Variants in SAXO1 observed in about 807,000 individuals in gnomAD.
SAXO1 encodes 4930500O09Rik.
SAXO1 carries 21 observed loss-of-function variants against 17.5 expected under a neutral mutation model. That is an observed-to-expected ratio of 1.20 (90% CI 0.85 to 1.72). SAXO1 has a LOEUF of 1.72. SAXO1 is among the 40% of genes most tolerant of loss of function. The pLI, the probability that SAXO1 is intolerant of heterozygous loss-of-function variation, is 0.00. For synonymous variants in SAXO1, 274 were observed against 216.5 expected (o/e 1.27, Z -2.33); for missense variants, 843 against 596.0 (o/e 1.41, Z -4.32).
intron 2 of SAXO1, among the ~76,000 whole-genome samples, chr9:18,944,573 A>G (rs535775938): frequency 6.6e-6 from 1 of 152,344 alleles, no homozygotes; most frequent in African/African-American, 2.4e-5. Flanking sequence ...AGAAAAAGAA[A>G]CTGGTCAGAG....
At chr9:18,938,412 T>C (rs539210416) in intron 3 of SAXO1, among the ~76,000 whole-genome samples, 3 of 151,954 alleles carry the variant, frequency 2.0e-5, no homozygotes, top group African/African-American at 7.3e-5. Context: ...CAAAGTGCAA[T>C]AAGGCATCCT....
intron 1 of SAXO1, among the ~76,000 whole-genome samples, chr9:18,972,661 G>A (rs1420652301): frequency 1.3e-5 from 2 of 152,188 alleles, no homozygotes; most frequent in Non-Finnish European, 2.9e-5. Context: ...GCATTCAAGA[G>A]GAAATGGACC....
At chr9:18,956,889 A>G (rs1411677840) in intron 1 of SAXO1, among the ~76,000 whole-genome samples, 3 of 152,250 alleles carry the variant, frequency 2.0e-5, no homozygotes. Context: ...TTTTACAAAT[A>G]GGAAAACCAG....
At chr9:19,001,210 T>C (rs1412671104) in intron 1 of SAXO1, among the ~76,000 whole-genome samples, 2 of 152,132 alleles carry the variant, frequency 1.3e-5, no homozygotes, top group Admixed American at 6.5e-5. Context: ...CCTGGGCAAA[T>C]GTAAAAGAAC....
chr9:18,988,114 G>C (rs369750355), intron 1 of SAXO1, among the ~76,000 whole-genome samples: 103 of 152,234 alleles, frequency 6.8e-4, no homozygotes, highest in African/African-American at 2.2e-3. Flanking sequence ...GGCCCTTACA[G>C]CTTATTTGAA....
chr9:18,954,730 G>A lies in SAXO1; in HGVS notation c.39-3793C>T, dbSNP rs142220072. 5.9e-5 allele frequency among the ~76,000 whole-genome samples: 9 copies of A among 152,084 alleles called. No homozygotes were observed. In the South Asian group the frequency reaches 6.2e-4, roughly 11 times the overall value. On this transcript the variant is annotated intron_variant, in intron 1 of 3. Coordinates refer to ENST00000380534, the MANE Select transcript of SAXO1 (RefSeq NM_153707.4). ...ATGTAGATGAAAAATCTGAAGTTCC[G>A]AATGATGTACATGAACCAGTCATAG... is the stretch of plus-strand genomic sequence containing the variant.
intron 1 of SAXO1, among the ~76,000 whole-genome samples, chr9:19,020,942 C>T (rs749282807): frequency 2.0e-5 from 3 of 152,204 alleles, no homozygotes; most frequent in Non-Finnish European, 4.4e-5. Flanking sequence ...CTAATATTGT[C>T]ATCCAACCCA....
chr9:18,990,068 G>C (rs1833756056), intron 1 of SAXO1, among the ~76,000 whole-genome samples: 1 of 152,084 alleles, frequency 6.6e-6, no homozygotes. Context: ...AAAGGATTAA[G>C]CAACTGGCCC....
At chr9:18,973,890 T>A (rs931853708) in intron 1 of SAXO1, among the ~76,000 whole-genome samples, 1 of 152,240 alleles carries the variant, frequency 6.6e-6, no homozygotes, top group Non-Finnish European at 1.5e-5. Flanking sequence ...CATATGACAC[T>A]CTCAAAGCTC....
chr9:19,033,174 C>T lies in SAXO1; in HGVS notation c.-266G>A. On this transcript the variant is annotated 5_prime_UTR_variant, in exon 1 of 4. Transcript: ENST00000380534. ...ACCCTGCACGCCACCGCCCCGGCCTCCGCAGTCCAGACTTAAGCACCTGGA... is the reference window on the plus strand; with the variant it reads ...ACCCTGCACGCCACCGCCCCGGCCTTCGCAGTCCAGACTTAAGCACCTGGA... 2.4e-6 allele frequency: 1 copy of T among 414,164 alleles called. No individual in the cohort carries two copies. The allele number at this position is 414,164 out of a possible 1,614,324, so 25.7% of individuals were successfully genotyped here. A position where few individuals can be genotyped will look rare whatever the true frequency, so the allele number is the denominator to read the frequency against.
At chr9:18,988,847 TATA>T (rs910344925) in intron 1 of SAXO1, among the ~76,000 whole-genome samples, 7 of 152,304 alleles carry the variant, frequency 4.6e-5, no homozygotes, top group African/African-American at 1.7e-4. Context: ...TGATTCGCTT[TATA>T]ATGATTCACT....
At chr9:18,953,841 T>C (rs1055929785) in intron 1 of SAXO1, among the ~76,000 whole-genome samples, 1 of 152,198 alleles carries the variant, frequency 6.6e-6, no homozygotes, top group African/African-American at 2.4e-5. Context: ...CTAGAAGTTA[T>C]CAAGGAACAG....
At chr9:18,977,902 G>T (rs1240959680) in intron 1 of SAXO1, among the ~76,000 whole-genome samples, 1 of 151,252 alleles carries the variant, frequency 6.6e-6, no homozygotes, top group Non-Finnish European at 1.5e-5. Flanking sequence ...GGGCTGAGGT[G>T]GGAGAATCAC....
At chr9:18,988,377 T>C (rs573515570) in intron 1 of SAXO1, among the ~76,000 whole-genome samples, 1 of 152,296 alleles carries the variant, frequency 6.6e-6, no homozygotes, top group South Asian at 2.1e-4. Flanking sequence ...TCCCTAGGTA[T>C]CCAGGGCTAT....
intron 3 of SAXO1, among the ~76,000 whole-genome samples, chr9:18,939,346 G>A (rs1831449287): frequency 6.6e-6 from 1 of 152,212 alleles, no homozygotes; most frequent in Non-Finnish European, 1.5e-5. Context: ...GGACTCCTGT[G>A]TGGTGCCTGC....
intron 1 of SAXO1, chr9:19,027,738 G>C: frequency 6.9e-7 from 1 of 1,452,578 alleles, no homozygotes; most frequent in Non-Finnish European, 9.5e-7. Flanking sequence ...GAGAAGTCCG[G>C]GGACCGAGAG....
At chr9:18,961,439 T>A (rs568607274) in intron 1 of SAXO1, among the ~76,000 whole-genome samples, 90 of 152,322 alleles carry the variant, frequency 5.9e-4, no homozygotes, top group Middle Eastern at 3.4e-3. Flanking sequence ...GCTGTACCTA[T>A]CAACCCATCA....
intron 3 of SAXO1, among the ~76,000 whole-genome samples, chr9:18,933,372 A>T: frequency 6.6e-6 from 1 of 152,232 alleles, no homozygotes. Context: ...TAGTTTTATA[A>T]ATATTGATTC....
At chr9:19,003,968 A>T (rs1210399977) in intron 1 of SAXO1, among the ~76,000 whole-genome samples, 2 of 152,244 alleles carry the variant, frequency 1.3e-5, no homozygotes, top group African/African-American at 4.8e-5. Context: ...ACAGAATGGG[A>T]GAAAAATTTT....
Sources: gnomAD v4.1 joint callset for allele counts (sites outside exome capture counted in the v4.1 genomes callset) on GRCh38, gnomAD v4.1.1 for gene constraint, MANE v1.5 for transcripts, NCBI Gene and HGNC (gene_info 2026-07-23, HGNC 2026-07-21) for gene names.